The following STYXL1 variants were observed in gnomAD, a reference collection of about 807,000 sequenced individuals.
STYXL1 encodes the protein serine/threonine/tyrosine interacting like 1.
In STYXL1, 32 loss-of-function variants were observed where a neutral mutation model predicts 36.4. The ratio of observed to expected loss-of-function variants is 0.88; its 90% confidence interval spans 0.66 to 1.18. The LOEUF is 1.18. Ranked by LOEUF, STYXL1 falls within the 50% of genes most tolerant of loss-of-function variation. The pLI, the probability that STYXL1 is intolerant of heterozygous loss-of-function variation, is 0.00. For synonymous variants in STYXL1, 133 were observed against 144.1 expected (o/e 0.92, Z 0.55); for missense variants, 354 against 394.1 (o/e 0.90, Z 0.86).
chr7:76,005,154 A>G (rs1791501483), intron 6 of STYXL1, 105 bp downstream of exon 6: 1 of 728,694 alleles, frequency 1.4e-6, no homozygotes, highest in Non-Finnish European at 1.8e-6. Context: ...GTACCCTAAA[A>G]CGTAAAGTGT....
At chr7:76,037,168 C>T (rs1795993694) in intron 1 of STYXL1, among the ~76,000 whole-genome samples, 3 of 150,142 alleles carry the variant, frequency 2.0e-5, no homozygotes, top group African/African-American at 7.3e-5. Context: ...AGAAGGAACT[C>T]CCGACCTCAG....
chr7:76,030,560 T>C, intron 1 of STYXL1, 33 bp from the exon 2 acceptor site: 1 of 1,344,212 alleles, frequency 7.4e-7, no homozygotes, highest in Non-Finnish European at 1.1e-6. Flanking sequence ...AAGGGTAACA[T>C]AACTCTATTT....
At chr7:76,014,353 G>C (rs1554573226) in intron 4 of STYXL1, among the ~76,000 whole-genome samples, 1 of 149,692 alleles carries the variant, frequency 6.7e-6, no homozygotes. Context: ...TTACCACCGG[G>C]TTTTTTTTGT....
rs146854711 is a variant in STYXL1, at chr7:76,028,254, G to C, written c.165+388C>G. 6.6e-3 allele frequency among the ~76,000 whole-genome samples: 999 copies of C among 152,126 alleles called. 12 individuals carry two copies. The highest frequency in any genetic ancestry group is 0.021 in the African/African-American group (868 of 41,524). ...TCACCATGTTGGCCAGTCTGGTCTT[G>C]AACTCCTGACCTCAGGTGATCTGCC... On this transcript the variant is annotated intron_variant, in intron 3 of 8. Coordinates refer to ENST00000359697, the MANE Select transcript of STYXL1 (RefSeq NM_001317785.2).
At chr7:76,007,356 G>A (rs781873215) in intron 5 of STYXL1, among the ~76,000 whole-genome samples, 1 of 152,132 alleles carries the variant, frequency 6.6e-6, no homozygotes, top group African/African-American at 2.4e-5. Context: ...ATCCTGGGAC[G>A]TGGAGGTTGC....
At chr7:76,009,946 T>C (rs1792352648) in intron 5 of STYXL1, among the ~76,000 whole-genome samples, 1 of 152,164 alleles carries the variant, frequency 6.6e-6, no homozygotes, top group African/African-American at 2.4e-5. Context: ...CCAATGTGAC[T>C]AGACTAGGAG....
chr7:75,996,429 TGAG>T lies in STYXL1; in HGVS notation c.*36_*38del. Reference sequence around the variant, plus strand: ...CCTCCACCCACAAAATGCCCCCAGGTGAGGCTCTTCAGTACCCTTCGGTGGGCC... The same window carrying T: ...CCTCCACCCACAAAATGCCCCCAGGTGCTCTTCAGTACCCTTCGGTGGGCC... On this transcript the variant is annotated 3_prime_UTR_variant, in exon 9 of 9. Transcript: ENST00000359697. The T allele has an allele frequency of 6.2e-7, 1 of 1,614,064 alleles. No homozygotes were observed. The highest frequency in any genetic ancestry group is 8.5e-7 in the Non-Finnish European group (1 of 1,179,946).
At position 76,030,214 on chromosome 7, in the gene STYXL1, G is replaced by T. The variant is rs146827958; in HGVS notation, c.103+207C>A. On this transcript the variant is annotated intron_variant, in intron 2 of 8. Transcript: ENST00000359697. ...GGGTTTTGCCCTGTTGGCCTGGCTG[G>T]TCTTGATCTCCTGGCTTCAAGTGAT... Among the ~76,000 whole-genome samples the T allele has an allele frequency of 3.2e-3, 484 of 152,148 alleles. 7 individuals are homozygous for T. The highest frequency in any genetic ancestry group is 0.011 in the African/African-American group (459 of 41,534).
chr7:76,036,178 G>A (rs1795889259), intron 1 of STYXL1, among the ~76,000 whole-genome samples: 1 of 150,018 alleles, frequency 6.7e-6, no homozygotes, highest in Non-Finnish European at 1.5e-5. Flanking sequence ...TCGGCTCACT[G>A]TAACCTCCAC....
At chr7:76,028,614 GC>G in intron 3 of STYXL1, 27 bp downstream of exon 3, 2 of 1,610,930 alleles carry the variant, frequency 1.2e-6, no homozygotes, top group African/African-American at 1.3e-5. Context: ...TAGCCAGCCT[GC>G]CCCAGATCCT....
intron 4 of STYXL1, among the ~76,000 whole-genome samples, chr7:76,015,312 G>A (rs1292600986): frequency 1.3e-5 from 2 of 152,082 alleles, no homozygotes; most frequent in East Asian, 3.9e-4. Flanking sequence ...AAGATAACTG[G>A]CTATCCATAT....
At chr7:76,006,620 C>T (rs995158435) in intron 5 of STYXL1, among the ~76,000 whole-genome samples, 5 of 151,806 alleles carry the variant, frequency 3.3e-5, no homozygotes, top group African/African-American at 1.2e-4. Flanking sequence ...AAAAATTAGC[C>T]GGGCATGGTG....
intron 5 of STYXL1, among the ~76,000 whole-genome samples, chr7:76,007,612 C>T (rs55662429): frequency 0.12 from 17,809 of 151,936 alleles, 2,042 homozygotes; most frequent in African/African-American, 0.3. Flanking sequence ...ACAACACGTA[C>T]ATTAGCAATC....
chr7:76,008,556 C>T (rs529896370), intron 5 of STYXL1, among the ~76,000 whole-genome samples: 3 of 152,344 alleles, frequency 2.0e-5, no homozygotes, highest in African/African-American at 7.2e-5. Context: ...AGACACCAAG[C>T]TGAGCCAGTT....
chr7:76,032,295 G>A (rs1554579587), intron 1 of STYXL1, among the ~76,000 whole-genome samples: 1 of 151,728 alleles, frequency 6.6e-6, no homozygotes, highest in Non-Finnish European at 1.5e-5. Context: ...AGCAACTCAG[G>A]AGGCTGAGGT....
intron 1 of STYXL1, among the ~76,000 whole-genome samples, chr7:76,037,036 G>A (rs544065095): frequency 1.2e-4 from 18 of 149,680 alleles, no homozygotes; most frequent in Admixed American, 4.7e-4. Flanking sequence ...CGCCCGCCTC[G>A]GCCTACCAAA....
intron 1 of STYXL1, among the ~76,000 whole-genome samples, chr7:76,037,952 A>G (rs531289359): frequency 2.7e-5 from 4 of 150,380 alleles, no homozygotes; most frequent in African/African-American, 9.7e-5. Context: ...CTCACCTGTA[A>G]GCTGAGATAA....
chr7:76,041,177 CA>C (rs112341556), intron 1 of STYXL1, among the ~76,000 whole-genome samples: 381 of 85,978 alleles, frequency 4.4e-3, no homozygotes, highest in African/African-American at 8.7e-3. Context: ...CCCCCATCTC[CA>C]AAAAAAAAAA....
intron 5 of STYXL1, among the ~76,000 whole-genome samples, chr7:76,008,264 C>T (rs1792075502): frequency 6.8e-6 from 1 of 146,910 alleles, no homozygotes; most frequent in Admixed American, 6.8e-5. Flanking sequence ...GAAATCCACT[C>T]CAACTGGATA....
Sources: allele counts gnomAD v4.1 joint callset (sites outside exome capture counted in the v4.1 genomes callset), GRCh38; gene constraint gnomAD v4.1.1; transcripts MANE v1.5; gene names NCBI Gene and HGNC (gene_info 2026-07-23, HGNC 2026-07-21).